ALG6: variants seen among roughly 807,000 people sequenced by gnomAD.
ALG6 encodes dolichyl pyrophosphate Man9GlcNAc2 alpha-1,3-glucosyltransferase.
Under a neutral mutation model 66.6 loss-of-function variants are expected in ALG6, and 46 were observed. The observed-to-expected ratio is 0.69, with a 90% CI of 0.55 to 0.88. The LOEUF (loss-of-function observed/expected upper bound fraction) is 0.88. Ranked by LOEUF, ALG6 falls within the 40% of genes least tolerant of loss-of-function variation. ALG6 has a pLI of 0.00. For synonymous variants in ALG6, 185 were observed against 203.7 expected, an observed-to-expected ratio of 0.91 and a Z score of 0.78; for missense variants, 505 against 586.8, an observed-to-expected ratio of 0.86 and a Z score of 1.44.
intron 2 of ALG6, among the ~76,000 whole-genome samples, chr1:63,383,904 G>A (rs1648416237): frequency 6.6e-6 from 1 of 152,134 alleles, no homozygotes. Flanking sequence ...TCCCACTAAT[G>A]AGTGAGAATA....
chr1:63,399,222 A>T (rs1054677583), intron 3 of ALG6, among the ~76,000 whole-genome samples: 1 of 152,216 alleles, frequency 6.6e-6, no homozygotes, highest in Admixed American at 6.5e-5. Flanking sequence ...ATGCACTAAA[A>T]TATGCCAGCT....
intron 12 of ALG6, among the ~76,000 whole-genome samples, chr1:63,422,197 CTATATGAATATAAATATATATT>C (rs1557594848): frequency 2.0e-5 from 2 of 101,080 alleles, no homozygotes; most frequent in Non-Finnish European, 2.0e-5. Context: ...AAATATATAT[CTATATGAATATAAATATATATT>C]TATATAAATA....
At position 63,412,079 on chromosome 1, in the gene ALG6, C is replaced by A. The variant is rs2100421763; in HGVS notation, c.816+18C>A. On this transcript the variant is annotated intron_variant, in intron 9 of 14. Coordinates refer to ENST00000263440, the MANE Select transcript of ALG6 (RefSeq NM_013339.4). Reference sequence around the variant, plus strand: ...TATTTGAGGCATGTTTAAACACTTTCCTCTCCTTTCTGTTACTGTACCTTA... The same window carrying A: ...TATTTGAGGCATGTTTAAACACTTTACTCTCCTTTCTGTTACTGTACCTTA... The A allele has an allele frequency of 1.2e-6, 2 of 1,613,920 alleles. No individual in the cohort carries two copies. The highest frequency in any genetic ancestry group is 1.7e-6 in the Non-Finnish European group (2 of 1,179,912).
chr1:63,436,542 A>C (rs983062916), intron 14 of ALG6, among the ~76,000 whole-genome samples: 1 of 152,146 alleles, frequency 6.6e-6, no homozygotes, highest in African/African-American at 2.4e-5. Flanking sequence ...AAGTATAAGA[A>C]GACAGGGGTC....
intron 11 of ALG6, among the ~76,000 whole-genome samples, chr1:63,417,499 CTTCTGAGAGTT>C (rs1644551297): frequency 6.6e-6 from 1 of 151,908 alleles, no homozygotes; most frequent in Non-Finnish European, 1.5e-5. Context: ...TTATTGTATA[CTTCTGAGAGTT>C]TTAAGAACAT....
intron 2 of ALG6, among the ~76,000 whole-genome samples, chr1:63,388,847 T>C (rs566010782): frequency 6.6e-6 from 1 of 152,326 alleles, no homozygotes; most frequent in African/African-American, 2.4e-5. Context: ...TATACTATTC[T>C]AGGATAAAAG....
chr1:63,387,810 G>A (rs559206170), intron 2 of ALG6, among the ~76,000 whole-genome samples: 8 of 152,028 alleles, frequency 5.3e-5, no homozygotes, highest in African/African-American at 1.9e-4. Context: ...CCAAAGTACT[G>A]GGATTAGAGG....
intron 2 of ALG6, among the ~76,000 whole-genome samples, chr1:63,384,554 A>G (rs1196494120): frequency 6.6e-6 from 1 of 152,074 alleles, no homozygotes; most frequent in East Asian, 1.9e-4. Context: ...TACTCAAGAA[A>G]TTTTTGCCCA....
chr1:63,391,826 A>G (rs1255023626), intron 2 of ALG6, among the ~76,000 whole-genome samples: 1 of 152,182 alleles, frequency 6.6e-6, no homozygotes, highest in African/African-American at 2.4e-5. Context: ...TCAGAGACCT[A>G]AAAATATTGA....
intron 2 of ALG6, among the ~76,000 whole-genome samples, chr1:63,390,545 C>T (rs577990322): frequency 5.9e-5 from 9 of 152,262 alleles, no homozygotes; most frequent in African/African-American, 2.2e-4. Context: ...CAGTCCACTG[C>T]GTCTGAGTCC....
rs201811893 is a variant in ALG6 at position 63,436,992 on chromosome 1, G to A, written c.1496G>A (p.Ser499Asn). The change falls in exon 15 of 15, where the codon AGT becomes AAT. Residue 499 changes from serine to asparagine, a missense_variant. Physicochemically the swap from Ser to Asn is conservative, Grantham distance 46 (BLOSUM62 1). Coordinates refer to ENST00000263440, the MANE Select transcript of ALG6 (RefSeq NM_013339.4). ...FNIIIMWDSK[S>N]GRNQKKIS The stretch of plus-strand genomic sequence containing the variant: ...ATTATTATTATGTGGGATTCCAAAA[G>A]TGGAAGAAATCAGAAGAAAATCAGC... 9.3e-6 allele frequency: 15 copies of A among 1,613,366 alleles called. No homozygotes were observed. In the East Asian group the frequency reaches 3.1e-4, roughly 34 times the overall value.
At position 63,367,641 on chromosome 1, in the gene ALG6, C is replaced by T. The variant is rs879579191; in HGVS notation, c.-254C>T. On this transcript the variant is annotated 5_prime_UTR_variant, in exon 1 of 15. Coordinates refer to ENST00000263440, the MANE Select transcript of ALG6 (RefSeq NM_013339.4). ...CGGGGGCGAGCGCGCATGCGCCTTC[C>T]TGGGACCCACGGCAGGCGCGAATCC... 1 of 152,344 alleles carries T rather than the reference C, an allele frequency of 6.6e-6. No individual in the cohort carries two copies. The allele number at this position is 152,344 out of a possible 1,614,324, so 9.4% of individuals were successfully genotyped here. A position where few individuals can be genotyped will look rare whatever the true frequency, so the allele number is the denominator to read the frequency against.
At position 63,370,221 on chromosome 1, in the gene ALG6, C is replaced by T. The variant is rs374443861; in HGVS notation, c.-207-550C>T. On this transcript the variant is annotated intron_variant, in intron 1 of 14. Transcript: ENST00000263440. ...TTACTGCTTTTGTATTTTTTTCTCA[C>T]GATTTGGGATTATTCTTAATGATTC... 3.1e-4 allele frequency among the ~76,000 whole-genome samples: 47 copies of T among 150,278 alleles called. No individual in the cohort carries two copies. The South Asian group carries it at 9.5e-3, about 30-fold the overall frequency.
intron 9 of ALG6, among the ~76,000 whole-genome samples, chr1:63,413,126 T>C (rs1644524728): frequency 6.6e-6 from 1 of 152,190 alleles, no homozygotes; most frequent in African/African-American, 2.4e-5. Context: ...AGCTTTGTGG[T>C]AGCTATTGTC....
At chr1:63,401,625 C>T (rs1392842945) in intron 3 of ALG6, among the ~76,000 whole-genome samples, 2 of 150,944 alleles carry the variant, frequency 1.3e-5, no homozygotes, top group Admixed American at 6.6e-5. Flanking sequence ...TGCAGTGAGC[C>T]GAGATTGCGC....
At chr1:63,373,594 CA>C (rs990839472) in intron 2 of ALG6, among the ~76,000 whole-genome samples, 2 of 133,294 alleles carry the variant, frequency 1.5e-5, no homozygotes, top group South Asian at 2.5e-4. Context: ...GACTCTGCCT[CA>C]AAAAAAAACA....
rs761619386 is a variant in ALG6, at chr1:63,404,488, A to G, written c.293A>G (p.His98Arg). ...KFINPDWIALHTSRGYESQAH... is the reference protein window; with the variant it reads ...KFINPDWIALRTSRGYESQAH... ...ATAAATCCAGACTGGATTGCTCTCC[A>G]TACATCACGTGGATATGAGAGTCAG... is the stretch of plus-strand genomic sequence containing the variant. The change falls in exon 5 of 15, where the codon CAT becomes CGT. Residue 98 changes from histidine to arginine, a missense_variant. Physicochemically the swap from His to Arg is conservative, Grantham distance 29 (BLOSUM62 0). Transcript: ENST00000263440. The G allele has an allele frequency of 6.2e-7, 1 of 1,613,744 alleles. No homozygotes were observed. Among genetic ancestry groups the G allele is most frequent in the Admixed American group, 1.7e-5 (1 of 60,004 alleles).
chr1:63,394,738 G>A (rs757556630), intron 2 of ALG6, among the ~76,000 whole-genome samples: 1 of 152,140 alleles, frequency 6.6e-6, no homozygotes. Flanking sequence ...TACAGAATAG[G>A]AGCTAAGAGC....
In ALG6 at chr1:63,402,277, A is replaced by G. The variant is rs755417313; in HGVS notation, c.191A>G (p.Asn64Ser). 6.2e-7 allele frequency: 1 copy of G among 1,609,482 alleles called. No homozygotes were observed. Among genetic ancestry groups the G allele is most frequent in the South Asian group, 1.1e-5 (1 of 90,984 alleles). The change falls in exon 4 of 15, where the codon AAT (asparagine) becomes AGT (serine). Residue 64 changes from asparagine to serine, a missense_variant. Asn to Ser is a conservative substitution (Grantham distance 46). Transcript: ENST00000263440. ...KQWYFNSSDN[N>S]LQYWGLDYPP... Reference sequence around the variant, plus strand: ...AGGTATTTTAACAGCAGTGATAACAATTTACAGTATTGGGGATTGGATTAC... The same window carrying G: ...AGGTATTTTAACAGCAGTGATAACAGTTTACAGTATTGGGGATTGGATTAC...
Sources: gnomAD v4.1 joint callset for allele counts (sites outside exome capture counted in the v4.1 genomes callset) on GRCh38, gnomAD v4.1.1 for gene constraint, MANE v1.5 for transcripts, NCBI Gene and HGNC (gene_info 2026-07-23, HGNC 2026-07-21) for gene names.